CNTNAP4: variants seen among roughly 807,000 people sequenced by gnomAD.
CNTNAP4 encodes contactin-associated protein-like 4.
Under a neutral mutation model 148.4 loss-of-function variants are expected in CNTNAP4, and 98 were observed. That is an observed-to-expected ratio of 0.66 (90% CI 0.56 to 0.78). CNTNAP4 has a LOEUF of 0.78. CNTNAP4 is among the 30% of genes least tolerant of loss of function. The probability of loss-of-function intolerance (pLI) is 0.00; values close to 1 mark genes in which losing one functional copy is unlikely to be tolerated. For synonymous variants in CNTNAP4, 730 were observed against 565.1 expected (o/e 1.29, Z -4.14); for missense variants, 1,935 against 1,565.6 (o/e 1.24, Z -3.98).
Position 76,467,479 on chromosome 16 carries a change from G to T in CNTNAP4, c.1611G>T (p.Gly537=). The change falls in exon 10 of 24, where the codon GGG becomes GGT. Residue 537 remains glycine (G), a synonymous_variant. Transcript: ENST00000611870. ...TTTCAGTTCAGCAGGGGTCCCTTGG[G>T]AACTTCAGTGACCTTCAGATAGACT... The part of the protein sequence containing the change: ...DLISVQQGSL[G]NFSDLQIDSC... 6.2e-7 allele frequency: 1 copy of T among 1,613,804 alleles called. No homozygotes were observed. Among genetic ancestry groups the T allele is most frequent in the Non-Finnish European group, 8.5e-7 (1 of 1,179,818 alleles).
chr16:76,446,559 CAAT>C (rs2080254862), intron 4 of CNTNAP4, among the ~76,000 whole-genome samples: 1 of 151,938 alleles, frequency 6.6e-6, no homozygotes, highest in Admixed American at 6.6e-5. Context: ...GTGATTTTGA[CAAT>C]AAGTAGATAA....
intron 3 of CNTNAP4, among the ~76,000 whole-genome samples, chr16:76,411,125 A>G (rs1332154715): frequency 3.3e-5 from 5 of 151,486 alleles, no homozygotes; most frequent in African/African-American, 4.8e-5. Flanking sequence ...TCTGAACTCT[A>G]TGAAACAGTA....
chr16:76,416,973 A>G (rs929408848), intron 3 of CNTNAP4, among the ~76,000 whole-genome samples: 3 of 151,426 alleles, frequency 2.0e-5, no homozygotes, highest in Admixed American at 6.6e-5. Context: ...TTGCTATCCC[A>G]AGTAATCTTC....
At chr16:76,398,941 G>A (rs551239283) in intron 3 of CNTNAP4, among the ~76,000 whole-genome samples, 1 of 152,198 alleles carries the variant, frequency 6.6e-6, no homozygotes, top group African/African-American at 2.4e-5. Flanking sequence ...TGTCAAGGGG[G>A]GGTCCAGGTG....
Position 76,347,863 on chromosome 16 carries a change from TTGAGGACATTGCAGGTGGCATAG to T in CNTNAP4, c.197-7450_197-7428del, listed in dbSNP as rs572535635. ...GGGGGTGGTTTAAGGGGGCAGATCA[TTGAGGACATTGCAGGTGGCATAG>T]TGAGAACTTCGTCTTTCACTCTGTA... is the stretch of plus-strand genomic sequence containing the variant. On this transcript the variant is annotated intron_variant, in intron 2 of 23. Transcript: ENST00000611870. Among the ~76,000 whole-genome samples the T allele has an allele frequency of 6.6e-5, 10 of 152,226 alleles. No homozygotes were observed. The South Asian group carries it at 1.0e-3, about 16-fold the overall frequency.
chr16:76,448,786 C>A lies in CNTNAP4; in HGVS notation c.762C>A (p.Ser254=), dbSNP rs1182710586. ...LINSGEAKLP[S]TSTLVNLTLG... Reference sequence around the variant, plus strand: ...TCTAAGGTGAAGCTAAACTGCCTTCCACTTCCACCCTGGTCAATCTCACCC... The same window carrying A: ...TCTAAGGTGAAGCTAAACTGCCTTCAACTTCCACCCTGGTCAATCTCACCC... The change falls in exon 6 of 24, where the codon TCC becomes TCA. Residue 254 remains serine, a synonymous_variant. Transcript: ENST00000611870. The A allele has an allele frequency of 1.2e-6, 2 of 1,607,514 alleles. No individual in the cohort carries two copies. Among genetic ancestry groups the A allele is most frequent in the Admixed American group, 1.7e-5 (1 of 59,146 alleles).
intron 12 of CNTNAP4, among the ~76,000 whole-genome samples, chr16:76,487,909 A>G (rs900000126): frequency 1.3e-5 from 2 of 152,200 alleles, no homozygotes; most frequent in African/African-American, 4.8e-5. Flanking sequence ...GCTAAACTAC[A>G]GGGAAGTCTC....
At position 76,448,065 on chromosome 16, in the gene CNTNAP4, C is replaced by G. The variant is rs150726736; in HGVS notation, c.592C>G (p.Gln198Glu). 6.2e-6 allele frequency: 10 copies of G among 1,613,606 alleles called. No individual in the cohort carries two copies. The highest frequency in any genetic ancestry group is 7.6e-6 in the Non-Finnish European group (9 of 1,179,678). The change falls in exon 5 of 24, where the codon CAA becomes GAA. Residue 198 changes from glutamine to glutamate, a missense_variant. Transcript: ENST00000611870. ...AAGTTCCCTTCTCTACAGATTTGAT[C>G]AAAAATCCCTGAGCCCAATAAAAGA... Reference protein sequence around the residue: ...GKSSLLYRFDQKSLSPIKDII... With the variant: ...GKSSLLYRFDEKSLSPIKDII...
chr16:76,471,522 C>G (rs1281322631), intron 10 of CNTNAP4, among the ~76,000 whole-genome samples: 2 of 152,108 alleles, frequency 1.3e-5, no homozygotes, highest in Non-Finnish European at 2.9e-5. Context: ...CGTCACCTGT[C>G]CTTCCAATCC....
At chr16:76,374,941 T>TG (rs1336746383) in intron 3 of CNTNAP4, among the ~76,000 whole-genome samples, 4 of 151,760 alleles carry the variant, frequency 2.6e-5, no homozygotes. Context: ...CTAATTTTTG[T>TG]CTTTTTTAGT....
chr16:76,409,907 A>G (rs2078732354), intron 3 of CNTNAP4, among the ~76,000 whole-genome samples: 1 of 151,918 alleles, frequency 6.6e-6, no homozygotes, highest in African/African-American at 2.4e-5. Flanking sequence ...AACAATCACA[A>G]CTGCATGTTA....
chr16:76,525,400 A>C (rs945632730), intron 17 of CNTNAP4, among the ~76,000 whole-genome samples: 1 of 150,870 alleles, frequency 6.6e-6, no homozygotes, highest in South Asian at 2.1e-4. Flanking sequence ...ACAAGCAATT[A>C]AAAAAATCTG....
intron 16 of CNTNAP4, 70 bp from the exon 17 acceptor site, chr16:76,521,969 A>T: frequency 7.4e-7 from 1 of 1,343,092 alleles, no homozygotes; most frequent in East Asian, 2.3e-5. Flanking sequence ...GTGTGTTCCT[A>T]AGTATATTGG....
intron 15 of CNTNAP4, among the ~76,000 whole-genome samples, chr16:76,502,665 A>C (rs2082695860): frequency 6.6e-6 from 1 of 152,212 alleles, no homozygotes; most frequent in Admixed American, 6.5e-5. Flanking sequence ...GGAGCTTTAA[A>C]AGGGGGATCA....
chr16:76,500,373 A>G lies in CNTNAP4; in HGVS notation c.2365+1679A>G, dbSNP rs867321973. Among the ~76,000 whole-genome samples the G allele has an allele frequency of 4.6e-5, 7 of 152,224 alleles. No individual in the cohort carries two copies. The South Asian group carries it at 8.3e-4, about 18-fold the overall frequency. ...CAAAGCTATGATGGCAAACTTTGTT[A>G]AGGTTCTAAGAGAAAGAAACCACTG... On this transcript the variant is annotated intron_variant, in intron 15 of 23. Coordinates refer to ENST00000611870, the MANE Select transcript of CNTNAP4 (RefSeq NM_033401.5).
chr16:76,404,452 A>G (rs2078531967), intron 3 of CNTNAP4, among the ~76,000 whole-genome samples: 2 of 152,060 alleles, frequency 1.3e-5, no homozygotes, highest in Non-Finnish European at 2.9e-5. Context: ...ACAGACACAC[A>G]CACACACAAA....
intron 2 of CNTNAP4, among the ~76,000 whole-genome samples, chr16:76,347,837 T>TG (rs1289934494): frequency 2.0e-5 from 3 of 151,040 alleles, no homozygotes; most frequent in Non-Finnish European, 4.4e-5. Context: ...AGAGATGATA[T>TG]GGGGGTGGTT....
At chr16:76,404,632 A>T (rs997546316) in intron 3 of CNTNAP4, among the ~76,000 whole-genome samples, 2 of 152,172 alleles carry the variant, frequency 1.3e-5, no homozygotes, top group African/African-American at 4.8e-5. Flanking sequence ...TTCTTAATAC[A>T]TATAGAATCT....
chr16:76,495,294 A>G (rs2082364054), intron 14 of CNTNAP4: 3 of 304,284 alleles, frequency 9.9e-6, no homozygotes, highest in South Asian at 1.6e-4. Context: ...TTTTAATTTT[A>G]TAATCAAACA....
Sources: allele counts gnomAD v4.1 joint callset (sites outside exome capture counted in the v4.1 genomes callset), GRCh38; gene constraint gnomAD v4.1.1; transcripts MANE v1.5; gene names NCBI Gene and HGNC (gene_info 2026-07-23, HGNC 2026-07-21).